The following XYLT1 variants were observed in gnomAD, a reference collection of about 807,000 sequenced individuals.
The protein encoded by XYLT1 is beta-D-xylosyltransferase 1.
XYLT1 carries 36 observed loss-of-function variants against 91.3 expected under a neutral mutation model. The observed-to-expected ratio is 0.39, with a 90% CI of 0.30 to 0.52. The LOEUF is 0.52. Among genes scored for constraint, XYLT1 ranks in the 20% least tolerant of loss-of-function variants. XYLT1 has a pLI of 0.68. For synonymous variants in XYLT1, 588 were observed against 532.0 expected, an observed-to-expected ratio of 1.11 and a Z score of -1.45; for missense variants, 1,242 against 1,284.5, an observed-to-expected ratio of 0.97 and a Z score of 0.51.
At chr16:17,390,188 G>A (rs1404955863) in intron 1 of XYLT1, among the ~76,000 whole-genome samples, 2 of 152,230 alleles carry the variant, frequency 1.3e-5, no homozygotes, top group East Asian at 1.9e-4. Context: ...AGGGGGAGGC[G>A]AGTACAAGGA....
intron 3 of XYLT1, among the ~76,000 whole-genome samples, chr16:17,214,228 C>T (rs2032814264): frequency 6.6e-6 from 1 of 152,190 alleles, no homozygotes; most frequent in African/African-American, 2.4e-5. Context: ...TCTGGAAAGG[C>T]TACATAGCAG....
At chr16:17,138,200 T>A in intron 8 of XYLT1, 155 bp downstream of exon 8, 2 of 811,884 alleles carry the variant, frequency 2.5e-6, no homozygotes, top group Non-Finnish European at 3.7e-6. Context: ...CAATAAACAC[T>A]GGCTATTGTT....
At chr16:17,207,052 C>CTTTTTTTTTTTT (rs1211378641) in intron 3 of XYLT1, among the ~76,000 whole-genome samples, 40 of 121,088 alleles carry the variant, frequency 3.3e-4, no homozygotes, top group African/African-American at 5.9e-4. Context: ...TCTTTTCTTT[C>CTTTTTTTTTTTT]TTTTTTTTTT....
chr16:17,110,949 C>A (rs1025283123), intron 11 of XYLT1, among the ~76,000 whole-genome samples: 1 of 152,162 alleles, frequency 6.6e-6, no homozygotes, highest in Non-Finnish European at 1.5e-5. Context: ...CACCTGAGGT[C>A]AGGAGTTCGA....
intron 1 of XYLT1, among the ~76,000 whole-genome samples, chr16:17,430,503 T>C (rs140441762): frequency 6.6e-6 from 1 of 152,294 alleles, no homozygotes; most frequent in East Asian, 1.9e-4. Context: ...TGTTCAAAAA[T>C]TATAAATTTC....
chr16:17,443,437 G>A (rs771334682), intron 1 of XYLT1, among the ~76,000 whole-genome samples: 1 of 152,122 alleles, frequency 6.6e-6, no homozygotes, highest in African/African-American at 2.4e-5. Flanking sequence ...GTTCTCACGA[G>A]ATCTGATGGT....
Position 17,457,403 on chromosome 16 carries a change from G to A in XYLT1, c.363+13031C>T, listed in dbSNP as rs28427415. Among the ~76,000 whole-genome samples the A allele has an allele frequency of 4.7e-3, 714 of 152,250 alleles. 3 individuals are homozygous for A. The highest frequency in any genetic ancestry group is 0.015 in the African/African-American group (638 of 41,542). On this transcript the variant is annotated intron_variant, in intron 1 of 11. Coordinates refer to ENST00000261381, the MANE Select transcript of XYLT1 (RefSeq NM_022166.4). ...TTTCCTCCAAATGTTGCTGTTGTGCGTTTTTTGTTTGCTTTAATTCTAAAA... is the reference window on the plus strand; with the variant it reads ...TTTCCTCCAAATGTTGCTGTTGTGCATTTTTTGTTTGCTTTAATTCTAAAA...
chr16:17,146,626 G>A (rs1267097246), intron 6 of XYLT1, among the ~76,000 whole-genome samples: 3 of 151,004 alleles, frequency 2.0e-5, no homozygotes, highest in Admixed American at 6.6e-5. Context: ...AAGCATTTCT[G>A]GTTGAATAAA....
At chr16:17,143,904 CCAT>C (rs1274351523) in intron 6 of XYLT1, among the ~76,000 whole-genome samples, 1 of 152,070 alleles carries the variant, frequency 6.6e-6, no homozygotes, top group Non-Finnish European at 1.5e-5. Flanking sequence ...GTCATCATCA[CCAT>C]CATCGTCACC....
At chr16:17,458,714 A>G (rs1196778223) in intron 1 of XYLT1, among the ~76,000 whole-genome samples, 4 of 152,130 alleles carry the variant, frequency 2.6e-5, no homozygotes, top group African/African-American at 9.7e-5. Flanking sequence ...TGCAATCAGG[A>G]TTTGAAATCC....
At chr16:17,143,379 G>A (rs764182984) in intron 6 of XYLT1, among the ~76,000 whole-genome samples, 1 of 152,098 alleles carries the variant, frequency 6.6e-6, no homozygotes, top group Non-Finnish European at 1.5e-5. Flanking sequence ...AAGTAAGGAC[G>A]AGCTCTGCTC....
At position 17,198,419 on chromosome 16, in the gene XYLT1, T is replaced by C; in HGVS notation, c.1087-5A>G. On this transcript the variant is annotated splice_polypyrimidine_tract_variant and splice_region_variant and intron_variant, in intron 4 of 11. Coordinates refer to ENST00000261381, the MANE Select transcript of XYLT1 (RefSeq NM_022166.4). ...CCGATGCAGGTAATTAGAGCGCTTTTCCCAGGAGAGAAAGGGTGATGACAG... is the reference window on the plus strand; with the variant it reads ...CCGATGCAGGTAATTAGAGCGCTTTCCCCAGGAGAGAAAGGGTGATGACAG... The C allele has an allele frequency of 6.2e-7, 1 of 1,613,624 alleles. No individual in the cohort carries two copies. The highest frequency in any genetic ancestry group is 8.5e-7 in the Non-Finnish European group (1 of 1,179,728).
intron 5 of XYLT1, among the ~76,000 whole-genome samples, chr16:17,184,627 T>C (rs1250856108): frequency 2.0e-5 from 3 of 152,214 alleles, no homozygotes; most frequent in Non-Finnish European, 4.4e-5. Flanking sequence ...TGGCCACCTG[T>C]GGCTAACGGC....
chr16:17,269,792 T>TTTATTATTATTGTTATTA (rs2033859035), intron 2 of XYLT1, among the ~76,000 whole-genome samples: 1 of 141,696 alleles, frequency 7.1e-6, no homozygotes. Flanking sequence ...TCCTTCTCCC[T>TTTATTATTATTGTTATTA]TTATTATTAT....
intron 2 of XYLT1, chr16:17,355,114 G>C (rs931828680): frequency 6.5e-6 from 1 of 153,098 alleles, no homozygotes; most frequent in African/African-American, 2.4e-5. Flanking sequence ...GCCATTGCTG[G>C]TTGCAGATGG....
intron 2 of XYLT1, among the ~76,000 whole-genome samples, chr16:17,297,359 G>A (rs1238921276): frequency 6.6e-6 from 1 of 151,778 alleles, no homozygotes; most frequent in African/African-American, 2.4e-5. Context: ...TTGAGGCCAG[G>A]AGTTCGAGAA....
Position 17,470,906 on chromosome 16 carries a change from G to T in XYLT1, c.-110C>A. The T allele has an allele frequency of 6.7e-6, 1 of 150,158 alleles. No homozygotes were observed. Among genetic ancestry groups the T allele is most frequent in the South Asian group, 2.7e-4 (1 of 3,650 alleles). The allele number at this position is 150,158 out of a possible 1,614,324, so 9.3% of individuals were successfully genotyped here. A position where few individuals can be genotyped will look rare whatever the true frequency, so the allele number is the denominator to read the frequency against. ...CCGGCTGCCGCTCGGGCTCCCGCTC[G>T]GGCCGCCGCCGCCGCCCCCCTCCCC... On this transcript the variant is annotated 5_prime_UTR_variant, in exon 1 of 12. Transcript: ENST00000261381.
At chr16:17,229,837 G>A (rs556879677) in intron 3 of XYLT1, among the ~76,000 whole-genome samples, 2 of 152,224 alleles carry the variant, frequency 1.3e-5, no homozygotes, top group Non-Finnish European at 2.9e-5. Flanking sequence ...ATCTCAGAAT[G>A]TGATCTTATT....
At chr16:17,403,148 A>G (rs1419221600) in intron 1 of XYLT1, among the ~76,000 whole-genome samples, 3 of 152,184 alleles carry the variant, frequency 2.0e-5, no homozygotes, top group Non-Finnish European at 4.4e-5. Flanking sequence ...ACACTTACCA[A>G]TGCTTCCTGC....
Sources: gnomAD v4.1 joint callset for allele counts (sites outside exome capture counted in the v4.1 genomes callset) on GRCh38, gnomAD v4.1.1 for gene constraint, MANE v1.5 for transcripts, NCBI Gene and HGNC (gene_info 2026-07-23, HGNC 2026-07-21) for gene names.